Variants in EPG5 observed in about 807,000 individuals in gnomAD.
EPG5 encodes ectopic P granules protein 5 homolog.
In EPG5, 159 loss-of-function variants were observed where a neutral mutation model predicts 302.7. That is an observed-to-expected ratio of 0.53 (90% CI 0.46 to 0.60). EPG5 has a LOEUF of 0.60. Among genes scored for constraint, EPG5 ranks in the 20% least tolerant of loss-of-function variants. The pLI is 0.00. For missense variants in EPG5, 2,896 were observed against 3,092.4 expected (o/e 0.94, Z 1.51); for synonymous variants, 1,158 against 1,136.8 (o/e 1.02, Z -0.37).
chr18:45,858,416 A>C, intron 41 of EPG5, 150 bp downstream of exon 41: 1 of 654,784 alleles, frequency 1.5e-6, no homozygotes, highest in Non-Finnish European at 2.6e-6. Context: ...CTATTAATTA[A>C]GAATCTTTCC....
the EPG5 span, among the ~76,000 whole-genome samples, chr18:45,830,410 G>A: frequency 7.9e-5 from 12 of 152,234 alleles, no homozygotes; most frequent in Admixed American, 2.6e-4. Flanking sequence ...GCTAATGCCC[G>A]ATGCGGCAGC....
intron 35 of EPG5, among the ~76,000 whole-genome samples, chr18:45,871,853 G>T (rs2048878230): frequency 6.6e-6 from 1 of 152,098 alleles, no homozygotes; most frequent in African/African-American, 2.4e-5. Flanking sequence ...GGAGGAATAG[G>T]TTTCAGGATC....
At chr18:45,857,698 G>A (rs2048543336) in intron 42 of EPG5, 155 bp downstream of exon 42, 2 of 603,770 alleles carry the variant, frequency 3.3e-6, no homozygotes, top group South Asian at 4.8e-5. Context: ...ATGTAATCAG[G>A]CTCTGTTTTT....
chr18:45,818,786 T>G, the EPG5 span, among the ~76,000 whole-genome samples: 1 of 134,376 alleles, frequency 7.4e-6, no homozygotes, highest in Non-Finnish European at 1.5e-5. Context: ...CAGGCTGGAG[T>G]GCAGTGGCGT....
In EPG5 at chr18:45,882,412, A is replaced by C; in HGVS notation, c.5380T>G (p.Leu1794Val). ...TCAAGGCCCCAGGCAGTAAGTGCCA[A>C]GTGAATGGACTCCAGAAGCCTGGTA... ...DRTRLLESIH[L>V]ALTAWGLEPD... The change falls in exon 31 of 44, where the codon TTG becomes GTG. Residue 1794 changes from leucine (L) to valine (V), a missense_variant. By Grantham distance (32) the Leu-to-Val change is conservative. This residue lies in a region of EPG5 where 790 missense variants were observed against 798.0 expected (regional missense o/e 0.99). Transcript: ENST00000282041. The C allele has an allele frequency of 6.2e-7, 1 of 1,614,224 alleles. No individual in the cohort carries two copies. The highest frequency in any genetic ancestry group is 8.5e-7 in the Non-Finnish European group (1 of 1,180,044).
At chr18:45,845,991 AC>A (rs1454866361), downstream of EPG5, among the ~76,000 whole-genome samples, 1 of 152,154 alleles carries the variant, frequency 6.6e-6, no homozygotes, top group Non-Finnish European at 1.5e-5. Context: ...GGCTGGAGAC[AC>A]CATGGGCTGA....
intron 25 of EPG5, among the ~76,000 whole-genome samples, chr18:45,902,711 C>T (rs910977772): frequency 6.6e-6 from 1 of 152,160 alleles, no homozygotes; most frequent in African/African-American, 2.4e-5. Context: ...CTGAAACTCA[C>T]TATTTAGAAG....
At chr18:45,838,997 G>C in the EPG5 span, 1 of 1,596,532 alleles carries the variant, frequency 6.3e-7, no homozygotes, top group South Asian at 1.1e-5. Flanking sequence ...CATGGCGCCA[G>C]CGGGGCCTCG....
At chr18:45,846,756 T>TG (rs1412939063), downstream of EPG5, among the ~76,000 whole-genome samples, 3 of 151,934 alleles carry the variant, frequency 2.0e-5, no homozygotes, top group African/African-American at 7.3e-5. Flanking sequence ...AGTAAAAGAG[T>TG]AAGAAAATGG....
At chr18:45,837,690 C>T in the EPG5 span, 2 of 1,476,224 alleles carry the variant, frequency 1.4e-6, no homozygotes, top group Non-Finnish European at 1.8e-6. Context: ...CGCTGCGCTG[C>T]GGCGCGGGGC....
intron 30 of EPG5, among the ~76,000 whole-genome samples, chr18:45,883,461 CTTTTTTTTTTT>C (rs61461493): frequency 7.5e-6 from 1 of 132,538 alleles, no homozygotes; most frequent in Non-Finnish European, 1.6e-5. Flanking sequence ...TCAAGGTTGT[CTTTTTTTTTTT>C]TTTTTTCACA....
chr18:45,920,138 C>A (rs533329936), intron 16 of EPG5, among the ~76,000 whole-genome samples: 1 of 152,348 alleles, frequency 6.6e-6, no homozygotes, highest in East Asian at 1.9e-4. Flanking sequence ...CACTCAGACA[C>A]CTGAGGCTCC....
Position 45,952,771 on chromosome 18 carries a change from C to G in EPG5, c.1009-128G>C, listed in dbSNP as rs1194961775. ...AGAGCTTATAATCATGGTGAGGAGA[C>G]ATATTACTGTGTAGAGAACATTACC... On this transcript the variant is annotated intron_variant, in intron 2 of 43. Transcript: ENST00000282041. 7 of 962,300 alleles carry G rather than the reference C, an allele frequency of 7.3e-6. 1 individual carries two copies. Among genetic ancestry groups the G allele is most frequent in the African/African-American group, 3.3e-5 (2 of 61,260 alleles). The allele number at this position is 962,300 out of a possible 1,614,324, so 59.6% of individuals were successfully genotyped here. A position where few individuals can be genotyped will look rare whatever the true frequency, so the allele number is the denominator to read the frequency against.
chr18:45,939,072 C>A (rs2050602989), intron 10 of EPG5, among the ~76,000 whole-genome samples: 1 of 152,204 alleles, frequency 6.6e-6, no homozygotes. Flanking sequence ...TATGCCCTTG[C>A]CTATGCCTCA....
intron 27 of EPG5, among the ~76,000 whole-genome samples, chr18:45,893,054 C>T (rs1347077103): frequency 6.6e-6 from 1 of 152,162 alleles, no homozygotes; most frequent in Non-Finnish European, 1.5e-5. Context: ...CTGTCATGAT[C>T]AGCTTGCTCA....
At chr18:45,822,829 T>C in the EPG5 span, among the ~76,000 whole-genome samples, 1 of 152,144 alleles carries the variant, frequency 6.6e-6, no homozygotes, top group Non-Finnish European at 1.5e-5. Context: ...AGACAGAATA[T>C]AATCAGGCTG....
At chr18:45,819,425 C>T in the EPG5 span, among the ~76,000 whole-genome samples, 1 of 152,182 alleles carries the variant, frequency 6.6e-6, no homozygotes, top group East Asian at 1.9e-4. Flanking sequence ...TGTTGAAGTA[C>T]TGAGAGGAGG....
intron 16 of EPG5, among the ~76,000 whole-genome samples, chr18:45,918,474 CA>C (rs2050080336): frequency 6.6e-6 from 1 of 152,124 alleles, no homozygotes; most frequent in African/African-American, 2.4e-5. Flanking sequence ...GCATAAACTG[CA>C]AAATTCTGCT....
chr18:45,825,733 A>G, the EPG5 span: 1 of 1,614,218 alleles, frequency 6.2e-7, no homozygotes, highest in Non-Finnish European at 8.5e-7. Flanking sequence ...CACAGCATGG[A>G]AAAGTCCATC....
Sources: allele counts gnomAD v4.1 joint callset (sites outside exome capture counted in the v4.1 genomes callset), GRCh38; gene constraint gnomAD v4.1.1; regional missense constraint gnomAD v4.1.1; transcripts MANE v1.5; gene names NCBI Gene and HGNC (gene_info 2026-07-23, HGNC 2026-07-21).